The following NUBP1 variants were observed in gnomAD, a reference collection of about 807,000 sequenced individuals.
NUBP1 encodes the protein NUBP iron-sulfur cluster assembly factor 1, cytosolic, also known as cytosolic Fe-S cluster assembly factor NUBP1.
NUBP1 carries 46 observed loss-of-function variants against 41.8 expected under a neutral mutation model. The observed-to-expected ratio is 1.10, with a 90% CI of 0.87 to 1.41. The LOEUF is 1.41. Ranked by LOEUF, NUBP1 falls within the 40% of genes most tolerant of loss-of-function variation. The probability of loss-of-function intolerance (pLI) is 0.00; values close to 1 mark genes in which losing one functional copy is unlikely to be tolerated. For synonymous variants in NUBP1, 189 were observed against 154.6 expected, an observed-to-expected ratio of 1.22 and a Z score of -1.65; for missense variants, 494 against 414.0, an observed-to-expected ratio of 1.19 and a Z score of -1.68.
In NUBP1 at chr16:10,749,379, T is replaced by G. The variant is rs913441401; in HGVS notation, c.258+2103T>G. Among the ~76,000 whole-genome samples the G allele has an allele frequency of 2.0e-5, 3 of 152,158 alleles. No individual in the cohort carries two copies. The highest frequency in any genetic ancestry group is 6.6e-5 in the Admixed American group (1 of 15,258). ...CCACTTGCAAGTAACCACTTGTGAG[T>G]AGACAACTGTTTACATCCTTCACTT... On this transcript the variant is annotated intron_variant, in intron 3 of 10. Coordinates refer to ENST00000283027, the MANE Select transcript of NUBP1 (RefSeq NM_002484.4). This position sits in a 1 kb window ranked among gnomAD's most constrained non-coding sequence, Gnocchi z 4.1.
At chr16:10,753,962 G>A (rs1900438776) in intron 4 of NUBP1, among the ~76,000 whole-genome samples, 1 of 152,186 alleles carries the variant, frequency 6.6e-6, no homozygotes, top group East Asian at 1.9e-4. Context: ...CGAGGGAGTA[G>A]GGAAGGAGAG....
intron 3 of NUBP1, among the ~76,000 whole-genome samples, chr16:10,750,538 A>G (rs1900271373): frequency 1.3e-5 from 2 of 152,244 alleles, no homozygotes; most frequent in African/African-American, 4.8e-5. Context: ...CACCACACCC[A>G]GCCACCATAA....
intron 7 of NUBP1, among the ~76,000 whole-genome samples, chr16:10,758,528 C>T (rs147438088): frequency 6.6e-6 from 1 of 152,246 alleles, no homozygotes; most frequent in Non-Finnish European, 1.5e-5. Context: ...CAGCTGACAA[C>T]CATTCAACGA....
At chr16:10,758,913 T>G (rs1900754390) in intron 7 of NUBP1, among the ~76,000 whole-genome samples, 2 of 152,134 alleles carry the variant, frequency 1.3e-5, no homozygotes, top group African/African-American at 4.8e-5. Context: ...GATAGGAAGT[T>G]TCCTCTCTGT....
rs1259655238 is a variant in NUBP1 at position 10,768,614 on chromosome 16, T to A, written c.905-433T>A. The A allele has an allele frequency of 1.3e-5, 2 of 158,858 alleles. No individual in the cohort carries two copies. The highest frequency in any genetic ancestry group is 4.8e-5 in the African/African-American group (2 of 41,538). The allele number at this position is 158,858 out of a possible 1,614,324, so 9.8% of individuals were successfully genotyped here. A position where few individuals can be genotyped will look rare whatever the true frequency, so the allele number is the denominator to read the frequency against. On this transcript the variant is annotated intron_variant, in intron 10 of 10. Coordinates refer to ENST00000283027, the MANE Select transcript of NUBP1 (RefSeq NM_002484.4). The surrounding 1 kb of genome is among the most constrained non-coding windows in gnomAD (Gnocchi z 4.3). ...AGCGTGAGACCGTGTCTCAAAAAAA[T>A]AAAAAATAAAAATAAAAACTTTGTT...
chr16:10,752,652 A>C lies in NUBP1; in HGVS notation c.301A>C (p.Lys101Gln), dbSNP rs201706853. 13 of 1,613,900 alleles carry C rather than the reference A, an allele frequency of 8.1e-6. No individual in the cohort carries two copies. Among genetic ancestry groups the C allele is most frequent in the Non-Finnish European group, 9.3e-6 (11 of 1,179,850 alleles). The change falls in exon 4 of 11, where the codon AAG becomes CAG. Residue 101 changes from lysine (K) to glutamine (Q), a missense_variant. Physicochemically the swap from Lys to Gln is moderately conservative, Grantham distance 53. Transcript: ENST00000283027. ...CGATATATGTGGGCCATCGATTCCC[A>C]AGATAATGGGATTGGAAGGAGAGCA... ...DIDICGPSIPKIMGLEGEQVH... is the reference protein window; with the variant it reads ...DIDICGPSIPQIMGLEGEQVH...
At chr16:10,755,877 T>C in intron 5 of NUBP1, 124 bp downstream of exon 5, 2 of 855,628 alleles carry the variant, frequency 2.3e-6, no homozygotes, top group South Asian at 1.6e-5. Flanking sequence ...AGGATGTGAT[T>C]AAAACCAGTG....
chr16:10,751,166 C>T lies in NUBP1; in HGVS notation c.259-1444C>T, dbSNP rs114330656. The stretch of plus-strand genomic sequence containing the variant: ...CTTACATCATTTCGCTCAAGATTCA[C>T]TCCCCAAGGGAGTGAAATTCCTCTA... On this transcript the variant is annotated intron_variant, in intron 3 of 10. Transcript: ENST00000283027. Among the ~76,000 whole-genome samples, 1,062 of 152,212 alleles carry T rather than the reference C, an allele frequency of 7.0e-3. 12 individuals are homozygous for T. The highest frequency in any genetic ancestry group is 0.025 in the African/African-American group (1,020 of 41,518).
intron 1 of NUBP1, 29 bp from the exon 2 acceptor site, chr16:10,743,932 G>A: frequency 6.3e-7 from 1 of 1,586,312 alleles, no homozygotes; most frequent in Non-Finnish European, 8.6e-7. Flanking sequence ...GTCGGGAGCT[G>A]CTCTAACTGT....
intron 3 of NUBP1, among the ~76,000 whole-genome samples, chr16:10,750,637 C>T (rs1010923435): frequency 6.6e-6 from 1 of 152,062 alleles, no homozygotes; most frequent in Non-Finnish European, 1.5e-5. Context: ...GTGCGAGGCC[C>T]TCCTCTGGGT....
rs1567258863 is a variant in NUBP1, at chr16:10,757,903, A to T, written c.482A>T (p.Asp161Val). The change falls in exon 7 of 11, where the codon GAC (aspartate) becomes GTC (valine). Residue 161 changes from aspartate to valine, a missense_variant. Coordinates refer to ENST00000283027, the MANE Select transcript of NUBP1 (RefSeq NM_002484.4). The surrounding 1 kb of genome is among the most constrained non-coding windows in gnomAD (Gnocchi z 4.1). ...ATCAAGCAGTTCCTCCGAGATGTGG[A>T]CTGGGGAGAGGTCGACTACCTCATT... ...GMIKQFLRDV[D>V]WGEVDYLIVD... is the part of the protein sequence containing the mutation. The T allele has an allele frequency of 9.9e-6, 16 of 1,613,862 alleles. No individual in the cohort carries two copies. Among genetic ancestry groups the T allele is most frequent in the Non-Finnish European group, 1.4e-5 (16 of 1,179,902 alleles).
chr16:10,764,414 T>C (rs1301211444), intron 9 of NUBP1, among the ~76,000 whole-genome samples: 3 of 151,498 alleles, frequency 2.0e-5, no homozygotes, highest in Non-Finnish European at 2.9e-5. Context: ...TATTTGTCTA[T>C]TGGAGAATCT....
chr16:10,744,538 G>A (rs1439266094), intron 2 of NUBP1, among the ~76,000 whole-genome samples: 3 of 152,250 alleles, frequency 2.0e-5, no homozygotes, highest in African/African-American at 7.2e-5. Flanking sequence ...TGATCGCCTC[G>A]TAGGTTTGGT....
rs1400221343 is a variant in NUBP1, at chr16:10,749,510, A to AT, written c.258+2241dup. 1.3e-5 allele frequency among the ~76,000 whole-genome samples: 2 copies of AT among 152,204 alleles called. No homozygotes were observed. Among genetic ancestry groups the AT allele is most frequent in the South Asian group, 2.1e-4 (1 of 4,822 alleles). Reference sequence around the variant, plus strand: ...GTGGAAATATGGCTAGATCAGCTGTATTTTTTTATGCAGTGGTGGTTTAAA... The same window carrying AT: ...GTGGAAATATGGCTAGATCAGCTGTATTTTTTTTATGCAGTGGTGGTTTAAA... On this transcript the variant is annotated intron_variant, in intron 3 of 10. Coordinates refer to ENST00000283027, the MANE Select transcript of NUBP1 (RefSeq NM_002484.4). This position sits in a 1 kb window ranked among gnomAD's most constrained non-coding sequence, Gnocchi z 4.1.
rs1264227491 is a variant in NUBP1, at chr16:10,757,233, A to G, written c.451+453A>G. Among the ~76,000 whole-genome samples, 1 of 152,176 alleles carries G rather than the reference A, an allele frequency of 6.6e-6. No individual in the cohort carries two copies. The highest frequency in any genetic ancestry group is 1.5e-5 in the Non-Finnish European group (1 of 68,040). The stretch of plus-strand genomic sequence containing the variant: ...GGAGAACCCAGGAGGCGGAGGTTGC[A>G]GTGAGCCAAGATCATGCCACTGCAC... On this transcript the variant is annotated intron_variant, in intron 6 of 10. Transcript: ENST00000283027. This position sits in a 1 kb window ranked among gnomAD's most constrained non-coding sequence, Gnocchi z 4.1.
intron 9 of NUBP1, among the ~76,000 whole-genome samples, chr16:10,762,906 G>A (rs1188400704): frequency 6.7e-6 from 1 of 148,972 alleles, no homozygotes; most frequent in Non-Finnish European, 1.5e-5. Flanking sequence ...TGGGGAGAAT[G>A]GGAGCCTGTG....
chr16:10,766,722 G>A lies in NUBP1; in HGVS notation c.821-1227G>A, dbSNP rs3762185. The stretch of plus-strand genomic sequence containing the variant: ...TATTGAAAATGAAAGTCAACTCCAC[G>A]GTGTGGGAGGAGAACGGGCCTGAGA... On this transcript the variant is annotated intron_variant, in intron 9 of 10. Transcript: ENST00000283027. This position sits in a 1 kb window ranked among gnomAD's most constrained non-coding sequence, Gnocchi z 4.8. The A allele has an allele frequency of 2.6e-4, 101 of 389,884 alleles. No homozygotes were observed. The South Asian group carries it at 6.4e-3, about 25-fold the overall frequency. The allele number at this position is 389,884 out of a possible 1,614,324, so 24.2% of individuals were successfully genotyped here.
At chr16:10,747,030 C>G (rs928168627) in intron 2 of NUBP1, 113 bp from the exon 3 acceptor site, 2 of 1,278,948 alleles carry the variant, frequency 1.6e-6, no homozygotes, top group Non-Finnish European at 2.2e-6. Context: ...TCGTTTTAAA[C>G]AGCCCCAGGA....
Position 10,761,387 on chromosome 16 carries a change from G to C in NUBP1, c.630G>C (p.Arg210=). ...AGGAGGTGTCACTCCAGGATGTCCG[G>C]AAAGAAATCAACTTCTGCCGCAAGG... is the stretch of plus-strand genomic sequence containing the variant. ...TPQEVSLQDV[R]KEINFCRKVK... The change falls in exon 8 of 11, where the codon CGG becomes CGC. Residue 210 remains arginine (R), a synonymous_variant. Coordinates refer to ENST00000283027, the MANE Select transcript of NUBP1 (RefSeq NM_002484.4). 2.5e-6 allele frequency: 4 copies of C among 1,614,096 alleles called. No individual in the cohort carries two copies. Among genetic ancestry groups the C allele is most frequent in the Non-Finnish European group, 3.4e-6 (4 of 1,179,992 alleles).
Sources: allele counts gnomAD v4.1 joint callset (sites outside exome capture counted in the v4.1 genomes callset), GRCh38; gene constraint gnomAD v4.1.1; non-coding constraint Gnocchi (gnomAD v3.1); transcripts MANE v1.5; gene names NCBI Gene and HGNC (gene_info 2026-07-23, HGNC 2026-07-21).